IL1R1: variants seen among roughly 807,000 people sequenced by gnomAD.
The protein encoded by IL1R1 is interleukin-1 receptor type 1.
In IL1R1, 22 loss-of-function variants were observed where a neutral mutation model predicts 50.2. The observed-to-expected ratio is 0.44, with a 90% CI of 0.31 to 0.63. The LOEUF is 0.63. IL1R1 is among the 20% of genes least tolerant of loss of function. IL1R1 has a pLI of 0.07. For missense variants in IL1R1, 509 were observed against 676.2 expected (o/e 0.75, Z 2.74); for synonymous variants, 251 against 236.7 (o/e 1.06, Z -0.55).
chr2:102,090,076 C>T (rs910826189), intron 1 of IL1R1, among the ~76,000 whole-genome samples: 33 of 151,820 alleles, frequency 2.2e-4, no homozygotes, highest in Non-Finnish European at 4.4e-4. Context: ...CCTCATGATC[C>T]GCCTGCCTCA....
At chr2:102,106,852 G>T (rs1186340772) in intron 1 of IL1R1, among the ~76,000 whole-genome samples, 6 of 152,128 alleles carry the variant, frequency 3.9e-5, no homozygotes, top group African/African-American at 9.7e-5. Context: ...ATTAAATCCT[G>T]TTGGCAGGTA....
Position 102,095,873 on chromosome 2 carries a change from C to CCT in IL1R1, c.-84+25340_-84+25341insCT, listed in dbSNP as rs1174777791. Among the ~76,000 whole-genome samples the CCT allele has an allele frequency of 1.2e-3, 180 of 152,058 alleles. 1 individual carries two copies. The highest frequency in any genetic ancestry group is 4.0e-3 in the African/African-American group (167 of 41,486). ...GAAAAATTAGCTGGGTGTGGTGGTACGTGCCTGTAATCCCAGCTACTCGGG... is the reference window on the plus strand; with the variant it reads ...GAAAAATTAGCTGGGTGTGGTGGTACCTGTGCCTGTAATCCCAGCTACTCGGG... On this transcript the variant is annotated intron_variant, in intron 1 of 11. Coordinates refer to the IL1R1 transcript ENST00000409929.
intron 1 of IL1R1, among the ~76,000 whole-genome samples, chr2:102,105,724 G>A (rs1199747267): frequency 2.6e-5 from 4 of 152,146 alleles, no homozygotes; most frequent in African/African-American, 9.7e-5. Flanking sequence ...ATAATGCATT[G>A]TATTGGCAAA....
At chr2:102,103,356 A>G (rs139067429), upstream of IL1R1, among the ~76,000 whole-genome samples, 1,261 of 152,064 alleles carry the variant, frequency 8.3e-3, 15 homozygotes, top group African/African-American at 0.028. Flanking sequence ...AGGAGCAAAG[A>G]GGAGGTGGGC....
chr2:102,129,548 C>T (rs1195011962), intron 1 of IL1R1, among the ~76,000 whole-genome samples: 1 of 152,116 alleles, frequency 6.6e-6, no homozygotes, highest in African/African-American at 2.4e-5. Context: ...ATTTGTACCC[C>T]CTAAAGGAGC....
intron 7 of IL1R1, among the ~76,000 whole-genome samples, chr2:102,171,426 T>A (rs1449525394): frequency 3.3e-5 from 5 of 152,208 alleles, no homozygotes; most frequent in Non-Finnish European, 5.9e-5. Context: ...ATCATAATAG[T>A]GAAAAATTAG....
chr2:102,091,856 A>G (rs1437244560), intron 1 of IL1R1, among the ~76,000 whole-genome samples: 2 of 152,204 alleles, frequency 1.3e-5, no homozygotes, highest in Non-Finnish European at 2.9e-5. Flanking sequence ...TTAAGCTCCT[A>G]TACAGAATAA....
intron 1 of IL1R1, among the ~76,000 whole-genome samples, chr2:102,090,673 A>G (rs1679626467): frequency 6.6e-6 from 1 of 152,108 alleles, no homozygotes; most frequent in Non-Finnish European, 1.5e-5. Context: ...ATTTCAATCC[A>G]TTGTTGGTAT....
At chr2:102,077,636 C>T (rs1403964830) in intron 1 of IL1R1, among the ~76,000 whole-genome samples, 1 of 152,116 alleles carries the variant, frequency 6.6e-6, no homozygotes, top group Non-Finnish European at 1.5e-5. Context: ...CATTTTTCTC[C>T]TCCTGTTGGT....
chr2:102,151,867 C>T lies in IL1R1; in HGVS notation c.-83-2074C>T, dbSNP rs530724000. Among the ~76,000 whole-genome samples, 628 of 152,264 alleles carry T rather than the reference C, an allele frequency of 4.1e-3. 2 individuals carry two copies. The highest frequency in any genetic ancestry group is 6.4e-3 in the Non-Finnish European group (433 of 68,018). ...AGAGGTGCATGGAGGTGGAATGGCA[C>T]GGTGCTTATAAACGGCAAGGTAGGG... is the stretch of plus-strand genomic sequence containing the variant. On this transcript the variant is annotated intron_variant, in intron 1 of 11. Transcript: ENST00000410023.
intron 1 of IL1R1, among the ~76,000 whole-genome samples, chr2:102,125,402 G>A (rs377238938): frequency 5.1e-4 from 78 of 152,284 alleles, no homozygotes; most frequent in East Asian, 2.5e-3. Flanking sequence ...CTTCTTGGTC[G>A]TAGCTCTTGA....
At chr2:102,077,424 T>C (rs545022406) in intron 1 of IL1R1, among the ~76,000 whole-genome samples, 2 of 152,330 alleles carry the variant, frequency 1.3e-5, no homozygotes, top group African/African-American at 4.8e-5. Context: ...TACAATCTAA[T>C]GTGTTTTCTC....
At chr2:102,101,999 C>T (rs1230579556), upstream of IL1R1, among the ~76,000 whole-genome samples, 4 of 152,182 alleles carry the variant, frequency 2.6e-5, no homozygotes, top group Admixed American at 1.3e-4. Flanking sequence ...ATGTGTGTGG[C>T]GTGTGTGTTC....
At chr2:102,151,848 G>A (rs1261085307) in intron 1 of IL1R1, among the ~76,000 whole-genome samples, 1 of 152,232 alleles carries the variant, frequency 6.6e-6, no homozygotes, top group African/African-American at 2.4e-5. Context: ...CCATAGAGGT[G>A]CATGGAGGTG....
In IL1R1 at chr2:102,164,905, C is replaced by T; in HGVS notation, c.193C>T (p.Pro65Ser). Residue 65 changes from proline to serine, a missense_variant, in exon 4 of 12, where the codon CCT becomes TCT. Coordinates refer to ENST00000410023, the MANE Select transcript of IL1R1 (RefSeq NM_000877.4). ...TTGGTATAAAGATGACAGCAAGACA[C>T]CTGTATCTACAGAACAAGCCTCCAG... ...ITWYKDDSKT[P>S]VSTEQASRIH... 6.2e-7 allele frequency: 1 copy of T among 1,614,082 alleles called. No individual in the cohort carries two copies. Among genetic ancestry groups the T allele is most frequent in the Non-Finnish European group, 8.5e-7 (1 of 1,179,968 alleles).
intron 1 of IL1R1, among the ~76,000 whole-genome samples, chr2:102,124,086 C>T (rs551775934): frequency 6.6e-6 from 1 of 152,186 alleles, no homozygotes; most frequent in South Asian, 2.1e-4. Flanking sequence ...TGGGAGCTGG[C>T]AGGGTGGACA....
At chr2:102,100,182 A>G (rs1680080500), upstream of IL1R1, among the ~76,000 whole-genome samples, 2 of 152,184 alleles carry the variant, frequency 1.3e-5, no homozygotes, top group South Asian at 4.1e-4. Context: ...TTCAGTGTCC[A>G]GTTCTGCTTT....
At chr2:102,102,596 T>C (rs117834055), upstream of IL1R1, among the ~76,000 whole-genome samples, 1 of 152,240 alleles carries the variant, frequency 6.6e-6, no homozygotes, top group East Asian at 1.9e-4. Flanking sequence ...GAAAAGCAGT[T>C]TGGTGATTGC....
chr2:102,162,413 A>G (rs963090478), intron 3 of IL1R1, among the ~76,000 whole-genome samples: 1 of 152,140 alleles, frequency 6.6e-6, no homozygotes, highest in Admixed American at 6.5e-5. Context: ...TTATTCATAT[A>G]TTAGGGTTTA....
Sources: allele counts gnomAD v4.1 joint callset (sites outside exome capture counted in the v4.1 genomes callset), GRCh38; gene constraint gnomAD v4.1.1; transcripts MANE v1.5; gene names NCBI Gene and HGNC (gene_info 2026-07-23, HGNC 2026-07-21).